The following PCNX2 variants were observed in gnomAD, a reference collection of about 807,000 sequenced individuals.
The protein encoded by PCNX2 is pecanex-like protein 2.
A neutral mutation model predicts 223.8 loss-of-function variants in PCNX2; 168 were observed. The ratio of observed to expected loss-of-function variants is 0.75; its 90% CI spans 0.66 to 0.85. The LOEUF is 0.85. Among genes scored for constraint, PCNX2 ranks in the 40% least tolerant of loss-of-function variants. PCNX2 has a pLI of 0.00. For missense variants in PCNX2, 2,507 were observed against 2,675.5 expected (o/e 0.94, Z 1.39); for synonymous variants, 1,006 against 1,052.6 (o/e 0.96, Z 0.86).
chr1:233,121,299 ACAAGATATTTTG>A (rs1164793187), intron 21 of PCNX2, among the ~76,000 whole-genome samples: 2 of 152,160 alleles, frequency 1.3e-5, no homozygotes, highest in Non-Finnish European at 2.9e-5. Context: ...CAAAATCCTA[ACAAGATATTTTG>A]CAGATCTAGA....
the PCNX2 span, among the ~76,000 whole-genome samples, chr1:233,318,563 C>CTTTTTCTTTTTTTT: frequency 2.2e-4 from 20 of 92,510 alleles, no homozygotes; most frequent in Non-Finnish European, 3.2e-4. Context: ...TTTTCTTTTT[C>CTTTTTCTTTTTTTT]TTTTTTTTTT....
intron 23 of PCNX2, among the ~76,000 whole-genome samples, chr1:233,089,194 A>G (rs199737364): frequency 4.5e-5 from 1 of 22,012 alleles, no homozygotes; most frequent in South Asian, 9.9e-4. Flanking sequence ...CAAATTACGG[A>G]AAAAAGGATT....
At chr1:233,030,181 G>A (rs140172201) in intron 25 of PCNX2, among the ~76,000 whole-genome samples, 4 of 152,132 alleles carry the variant, frequency 2.6e-5, no homozygotes, top group Non-Finnish European at 4.4e-5. Context: ...TTGAGTTCAT[G>A]GATCTTTTCT....
rs1024824670 is a variant in PCNX2 at position 233,054,604 on chromosome 1, A to T, written c.4136-121T>A. On this transcript the variant is annotated intron_variant, in intron 24 of 33. Coordinates refer to ENST00000258229, the MANE Select transcript of PCNX2 (RefSeq NM_014801.4). Reference sequence around the variant, plus strand: ...ATCAGACTCTTTATATACATAAAAGAGGAAAGATGTGTTCTTCCCACATTT... The same window carrying T: ...ATCAGACTCTTTATATACATAAAAGTGGAAAGATGTGTTCTTCCCACATTT... 1.0e-5 allele frequency: 8 copies of T among 778,098 alleles called. No homozygotes were observed. In the Admixed American group the frequency reaches 1.5e-4, roughly 14 times the overall value. The allele number at this position is 778,098 out of a possible 1,614,324, so 48.2% of individuals were successfully genotyped here. A position where few individuals can be genotyped will look rare whatever the true frequency, so the allele number is the denominator to read the frequency against.
At chr1:233,254,520 T>C (rs1241561661) in intron 5 of PCNX2, among the ~76,000 whole-genome samples, 1 of 152,272 alleles carries the variant, frequency 6.6e-6, no homozygotes, top group East Asian at 1.9e-4. Context: ...TTTCCTTTTT[T>C]CCTTAAAAAA....
At chr1:233,158,537 G>A (rs907044346) in intron 19 of PCNX2, among the ~76,000 whole-genome samples, 2 of 152,146 alleles carry the variant, frequency 1.3e-5, no homozygotes, top group East Asian at 3.8e-4. Flanking sequence ...AAGTTATATA[G>A]AAGTAAAGGT....
At chr1:233,261,366 C>A in intron 3 of PCNX2, 45 bp from the exon 4 acceptor site, 1 of 1,580,964 alleles carries the variant, frequency 6.3e-7, no homozygotes, top group Non-Finnish European at 8.7e-7. Flanking sequence ...ACTCAGCTGA[C>A]CGTCCATTTC....
At chr1:233,049,800 T>C (rs1437621930) in intron 25 of PCNX2, among the ~76,000 whole-genome samples, 1 of 151,858 alleles carries the variant, frequency 6.6e-6, no homozygotes, top group Non-Finnish European at 1.5e-5. Flanking sequence ...TTAGTAGCAT[T>C]CCTACACACT....
chr1:233,245,143 G>C (rs1659032784), intron 8 of PCNX2, among the ~76,000 whole-genome samples: 1 of 152,158 alleles, frequency 6.6e-6, no homozygotes, highest in South Asian at 2.1e-4. Context: ...GGCCATCTTT[G>C]TCATTTCCAA....
chr1:233,143,928 A>C (rs767224950), intron 19 of PCNX2, among the ~76,000 whole-genome samples: 1 of 151,942 alleles, frequency 6.6e-6, no homozygotes, highest in Non-Finnish European at 1.5e-5. Flanking sequence ...TCTTTACCGA[A>C]TCATTCTCAT....
chr1:233,095,780 C>A lies in PCNX2; in HGVS notation c.3921G>T (p.Val1307=), dbSNP rs758883135. Residue 1307 remains valine, a synonymous_variant, in exon 22 of 34, where the codon GTG becomes GTT. Coordinates refer to ENST00000258229, the MANE Select transcript of PCNX2 (RefSeq NM_014801.4). ...WQMAWGSSFH[V]FAQLFAIPHS... is the part of the protein sequence containing the mutation. ...GAGGAATGGCAAAGAGCTGAGCAAA[C>A]ACGTGAAACGAAGAACCCCAAGCCA... The A allele has an allele frequency of 1.2e-6, 2 of 1,609,894 alleles. No individual in the cohort carries two copies. Among genetic ancestry groups the A allele is most frequent in the South Asian group, 2.2e-5 (2 of 90,238 alleles).
At chr1:233,273,879 T>C (rs1660779590) in intron 1 of PCNX2, among the ~76,000 whole-genome samples, 1 of 152,152 alleles carries the variant, frequency 6.6e-6, no homozygotes, top group African/African-American at 2.4e-5. Flanking sequence ...TGCCTTGGCC[T>C]CCCAAAGTGC....
chr1:233,022,025 A>G (rs1052761079), intron 26 of PCNX2, among the ~76,000 whole-genome samples: 1 of 152,174 alleles, frequency 6.6e-6, no homozygotes, highest in African/African-American at 2.4e-5. Context: ...GGACCCAGAC[A>G]GGGCATCTCA....
At chr1:233,005,805 G>A (rs550913054) in intron 28 of PCNX2, among the ~76,000 whole-genome samples, 1 of 152,334 alleles carries the variant, frequency 6.6e-6, no homozygotes, top group Non-Finnish European at 1.5e-5. Flanking sequence ...AAAGCTCTAT[G>A]GAGAAATGAC....
chr1:233,296,659 G>A (rs1293111767), upstream of PCNX2, among the ~76,000 whole-genome samples: 2 of 152,200 alleles, frequency 1.3e-5, no homozygotes, highest in Non-Finnish European at 2.9e-5. Flanking sequence ...GCCTTAGGGA[G>A]AGACAAAGAT....
Position 233,120,265 on chromosome 1 carries a change from T to C in PCNX2, c.3837+14748A>G, listed in dbSNP as rs1675707119. Among the ~76,000 whole-genome samples the C allele has an allele frequency of 2.1e-5, 3 of 141,612 alleles. No homozygotes were observed. The South Asian group carries it at 7.1e-4, about 33-fold the overall frequency. 92.9% of individuals were successfully genotyped at this position (141,612 alleles called of 152,430 possible). A position where few individuals can be genotyped will look rare whatever the true frequency, so the allele number is the denominator to read the frequency against. Reference sequence around the variant, plus strand: ...AATTAAACAGTAAAAACCCAAACAATCCAATCTAGACCATACAAAAACTGT... The same window carrying C: ...AATTAAACAGTAAAAACCCAAACAACCCAATCTAGACCATACAAAAACTGT... On this transcript the variant is annotated intron_variant, in intron 21 of 33. Coordinates refer to ENST00000258229, the MANE Select transcript of PCNX2 (RefSeq NM_014801.4).
intron 25 of PCNX2, among the ~76,000 whole-genome samples, chr1:233,039,352 T>C (rs1188627598): frequency 6.6e-6 from 1 of 152,228 alleles, no homozygotes; most frequent in African/African-American, 2.4e-5. Flanking sequence ...CACTGGTGAC[T>C]GTGTGGCCAT....
In PCNX2 at chr1:233,109,952, G is replaced by C. The variant is rs574482205; in HGVS notation, c.3838-14089C>G. ...AAAATATAAAAATTAGCCGGGCTGT[G>C]GTGGCACATGCCTGTAATCCCAACT... is the stretch of plus-strand genomic sequence containing the variant. On this transcript the variant is annotated intron_variant, in intron 21 of 33. Transcript: ENST00000258229. 2.7e-4 allele frequency among the ~76,000 whole-genome samples: 41 copies of C among 152,232 alleles called. No individual in the cohort carries two copies. The South Asian group carries it at 8.3e-3, about 31-fold the overall frequency.
At position 233,025,375 on chromosome 1, in the gene PCNX2, A is replaced by G. The variant is rs372242512; in HGVS notation, c.4376T>C (p.Val1459Ala). 3 of 1,613,698 alleles carry G rather than the reference A, an allele frequency of 1.9e-6. No individual in the cohort carries two copies. Among genetic ancestry groups the G allele is most frequent in the East Asian group, 2.2e-5 (1 of 44,884 alleles). ...CTCGTCGCCCTCCATGATGGCTTCTACCTCCCTCTGCTGGCAGTAGGTTCC... is the reference window on the plus strand; with the variant it reads ...CTCGTCGCCCTCCATGATGGCTTCTGCCTCCCTCTGCTGGCAGTAGGTTCC... ...FRGTYCQQRE[V>A]EAIMEGDEED... The change falls in exon 26 of 34, where the codon GTA (valine) becomes GCA (alanine). Residue 1459 changes from valine (V) to alanine (A), a missense_variant. Transcript: ENST00000258229.
Sources: allele counts gnomAD v4.1 joint callset (sites outside exome capture counted in the v4.1 genomes callset), GRCh38; gene constraint gnomAD v4.1.1; transcripts MANE v1.5; gene names NCBI Gene and HGNC (gene_info 2026-07-23, HGNC 2026-07-21).